Variants in ARHGAP6 observed in about 807,000 individuals in gnomAD.
ARHGAP6 encodes the protein rho GTPase-activating protein 6.
In ARHGAP6, 16 loss-of-function variants were observed where a neutral mutation model predicts 55.7. That is an observed-to-expected ratio of 0.29 (90% confidence interval 0.19 to 0.44). ARHGAP6 has a LOEUF of 0.44. Ranked by LOEUF, ARHGAP6 falls within the 20% of genes least tolerant of loss-of-function variation. The pLI, the probability that ARHGAP6 is intolerant of heterozygous loss-of-function variation, is 1.00. For missense variants in ARHGAP6, 698 were observed against 808.9 expected (o/e 0.86, Z 1.66); for synonymous variants, 382 against 360.9 (o/e 1.06, Z -0.66).
chrX:11,200,239 C>G (rs751447246), intron 2 of ARHGAP6, among the ~76,000 whole-genome samples: 2 of 112,775 alleles, frequency 1.8e-5, no homozygotes, highest in South Asian at 7.3e-4. Context: ...TTACAGACAA[C>G]AGTGACCTGC....
At chrX:11,389,618 A>G (rs2049377393) in intron 1 of ARHGAP6, among the ~76,000 whole-genome samples, 1 of 112,534 alleles carries the variant, frequency 8.9e-6, no homozygotes, top group African/African-American at 3.2e-5. Flanking sequence ...TATGCTTAAA[A>G]TATCTGTGTT....
intron 1 of ARHGAP6, among the ~76,000 whole-genome samples, chrX:11,570,056 T>C (rs1235216880): frequency 6.3e-5 from 7 of 111,964 alleles, no homozygotes; most frequent in African/African-American, 1.9e-4. Flanking sequence ...CTTAGAATAA[T>C]GGGTCTTGGA....
At chrX:11,411,273 G>A (rs760795990) in intron 1 of ARHGAP6, among the ~76,000 whole-genome samples, 23 of 86,288 alleles carry the variant, frequency 2.7e-4, no homozygotes, top group South Asian at 1.3e-3. Flanking sequence ...ATATGTTTAC[G>A]TTAGATTTAT....
intron 1 of ARHGAP6, among the ~76,000 whole-genome samples, chrX:11,263,843 C>T (rs988395141): frequency 1.8e-5 from 2 of 112,014 alleles, no homozygotes; most frequent in African/African-American, 6.5e-5. Flanking sequence ...CCCCATTTTC[C>T]TCATCTATGA....
At position 11,298,822 on chromosome X, in the gene ARHGAP6, T is replaced by G. The variant is rs753460403; in HGVS notation, c.589-44115A>C. The G allele has an allele frequency of 4.1e-5, 49 of 1,208,338 alleles. No individual in the cohort carries two copies. The highest frequency in any genetic ancestry group is 2.3e-4 in the Middle Eastern group (1 of 4,370). The stretch of plus-strand genomic sequence containing the variant: ...GTTCAGCCACAGCCTCACCAGCCCA[T>G]GCAGCCCCAGCCACCTGTGCACCCC... On this transcript the variant is annotated intron_variant, in intron 1 of 12. Coordinates refer to ENST00000337414, the MANE Select transcript of ARHGAP6 (RefSeq NM_013427.3).
chrX:11,358,683 T>C (rs2054448324), intron 1 of ARHGAP6, among the ~76,000 whole-genome samples: 1 of 110,532 alleles, frequency 9.0e-6, no homozygotes, highest in Non-Finnish European at 1.9e-5. Flanking sequence ...GGTTTCTCCA[T>C]GTTGGTCAGG....
chrX:11,396,261 C>T (rs770653318), intron 1 of ARHGAP6, among the ~76,000 whole-genome samples: 11 of 110,323 alleles, frequency 1.0e-4, no homozygotes, highest in East Asian at 2.9e-4. Flanking sequence ...AAGCAGTCAA[C>T]GGCATTCTGG....
intron 1 of ARHGAP6, among the ~76,000 whole-genome samples, chrX:11,588,722 C>T (rs1053491939): frequency 8.9e-6 from 1 of 111,957 alleles, no homozygotes; most frequent in Non-Finnish European, 1.9e-5. Flanking sequence ...CAGATCAATC[C>T]ATAGAGACAA....
chrX:11,167,277 A>G (rs1395018148), intron 9 of ARHGAP6, among the ~76,000 whole-genome samples: 4 of 111,394 alleles, frequency 3.6e-5, no homozygotes, highest in African/African-American at 1.3e-4. Context: ...GTAAGACCCA[A>G]TGTTAACAGT....
intron 1 of ARHGAP6, among the ~76,000 whole-genome samples, chrX:11,570,304 C>G (rs1189518366): frequency 9.0e-6 from 1 of 111,630 alleles, no homozygotes; most frequent in Non-Finnish European, 1.9e-5. Flanking sequence ...AAAATGAGAT[C>G]ATGGCATGAT....
rs769729629 is a variant in ARHGAP6 at position 11,162,190 on chromosome X, T to C, written c.1810-5564A>G. ...GGTTATCTTCCCTATTGAAAATGGGTACATGAAAAGAAACATCATCTCTTC... is the reference window on the plus strand; with the variant it reads ...GGTTATCTTCCCTATTGAAAATGGGCACATGAAAAGAAACATCATCTCTTC... On this transcript the variant is annotated intron_variant, in intron 9 of 12. Transcript: ENST00000337414. Among the ~76,000 whole-genome samples the C allele has an allele frequency of 2.7e-5, 3 of 110,597 alleles. No individual in the cohort carries two copies. The South Asian group carries it at 1.2e-3, about 43-fold the overall frequency.
intron 1 of ARHGAP6, among the ~76,000 whole-genome samples, chrX:11,472,672 G>A (rs920691245): frequency 8.9e-6 from 1 of 111,889 alleles, no homozygotes; most frequent in Non-Finnish European, 1.9e-5. Context: ...ACAATTTGAG[G>A]TAGCCTGAAT....
chrX:11,224,739 G>C (rs1271161796), intron 2 of ARHGAP6, among the ~76,000 whole-genome samples: 1 of 110,529 alleles, frequency 9.0e-6, no homozygotes, highest in Non-Finnish European at 1.9e-5. Flanking sequence ...GTGGGCATTG[G>C]GCAGTGAAAA....
intron 1 of ARHGAP6, among the ~76,000 whole-genome samples, chrX:11,404,975 CATG>C (rs1489031998): frequency 6.2e-5 from 7 of 112,180 alleles, no homozygotes; most frequent in Admixed American, 9.4e-5. Flanking sequence ...TTGAATCTGT[CATG>C]ATATTACCAC....
rs1472738718 is a variant in ARHGAP6, at chrX:11,302,781, TCAC to T, written c.589-48077_589-48075del. ...GATTATGTGGTTATGGTATTCATTATCACCACCAAGACATACTACAGTTCTTCC... is the reference window on the plus strand; with the variant it reads ...GATTATGTGGTTATGGTATTCATTATCACCAAGACATACTACAGTTCTTCC... On this transcript the variant is annotated intron_variant, in intron 1 of 12. Coordinates refer to ENST00000337414, the MANE Select transcript of ARHGAP6 (RefSeq NM_013427.3). Among the ~76,000 whole-genome samples the T allele has an allele frequency of 2.7e-5, 3 of 111,125 alleles. No individual in the cohort carries two copies. In the Admixed American group the frequency reaches 2.9e-4, roughly 11 times the overall value.
chrX:11,629,073 C>T (rs1255470207), intron 1 of ARHGAP6, among the ~76,000 whole-genome samples: 1 of 110,938 alleles, frequency 9.0e-6, no homozygotes. Flanking sequence ...ACTATCTTTA[C>T]ACATCTATAC....
Position 11,156,603 on chromosome X carries a change from T to A in ARHGAP6, c.1833A>T (p.Glu611Asp). Residue 611 changes from glutamate (E) to aspartate (D), a missense_variant, in exon 10 of 13, where the codon GAA (glutamate) becomes GAT (aspartate). Glu to Asp is a conservative substitution (Grantham distance 45). Around this residue, in one of 3 missense-constraint regions of ARHGAP6, gnomAD observed 322 missense variants for 451.1 expected, o/e 0.71. Coordinates refer to ENST00000337414, the MANE Select transcript of ARHGAP6 (RefSeq NM_013427.3). ...LFMVPPDLQN[E>D]VLISLLETDP... ...CGGTCTCTAACAGGCTGATCAGCACTTCGTTCTGGAGATCTGGGGGAACCT... is the reference window on the plus strand; with the variant it reads ...CGGTCTCTAACAGGCTGATCAGCACATCGTTCTGGAGATCTGGGGGAACCT... The A allele has an allele frequency of 4.1e-6, 5 of 1,210,868 alleles. No homozygotes were observed. The highest frequency in any genetic ancestry group is 5.6e-6 in the Non-Finnish European group (5 of 894,894).
intron 1 of ARHGAP6, among the ~76,000 whole-genome samples, chrX:11,541,771 T>C (rs1364530307): frequency 4.5e-5 from 5 of 112,197 alleles, no homozygotes; most frequent in Non-Finnish European, 7.5e-5. Flanking sequence ...AAGTTACTTA[T>C]CTATGCCTCA....
chrX:11,584,258 G>A (rs2051699692), intron 1 of ARHGAP6, among the ~76,000 whole-genome samples: 2 of 112,114 alleles, frequency 1.8e-5, no homozygotes. Flanking sequence ...AAGTAAATCT[G>A]TAAACTACTA....
Sources: gnomAD v4.1 joint callset for allele counts (sites outside exome capture counted in the v4.1 genomes callset) on GRCh38, gnomAD v4.1.1 for gene constraint, gnomAD v4.1.1 regional missense constraint, MANE v1.5 for transcripts, NCBI Gene and HGNC (gene_info 2026-07-23, HGNC 2026-07-21) for gene names.